The following JAKMIP3 variants were observed in gnomAD, a reference collection of about 807,000 sequenced individuals.
JAKMIP3 encodes Janus kinase and microtubule interacting protein 3.
JAKMIP3 carries 58 observed loss-of-function variants against 118.5 expected under a neutral mutation model. The ratio of observed to expected loss-of-function variants is 0.49; its 90% CI spans 0.40 to 0.61. The LOEUF (loss-of-function observed/expected upper bound fraction) is 0.61. Ranked by LOEUF, JAKMIP3 falls within the 20% of genes least tolerant of loss-of-function variation. JAKMIP3 has a pLI of 0.00. For missense variants in JAKMIP3, 950 were observed against 1,109.0 expected (o/e 0.86, Z 2.04); for synonymous variants, 486 against 451.2 (o/e 1.08, Z -0.98).
intron 2 of JAKMIP3, among the ~76,000 whole-genome samples, chr10:132,111,421 T>G (rs1280818690): frequency 6.6e-6 from 1 of 151,636 alleles, no homozygotes; most frequent in African/African-American, 2.4e-5. Flanking sequence ...CAGGTAGACA[T>G]GGGGTGAATG....
rs2061706069 is a variant in JAKMIP3, at chr10:132,184,595, G to A, written c.*3342G>A. 1 of 152,186 alleles carries A rather than the reference G, an allele frequency of 6.6e-6. No individual in the cohort carries two copies. The highest frequency in any genetic ancestry group is 2.4e-5 in the African/African-American group (1 of 41,440). 9.4% of individuals were successfully genotyped at this position (152,186 alleles called of 1,614,324 possible). On this transcript the variant is annotated 3_prime_UTR_variant, in exon 24 of 24. Coordinates refer to ENST00000684848, the MANE Select transcript of JAKMIP3 (RefSeq NM_001323087.2). ...TACGGCGGCATGCCAGGTAGTGTGTGTATTCTCCCAGGCACTCCCTTCATA... is the reference window on the plus strand; with the variant it reads ...TACGGCGGCATGCCAGGTAGTGTGTATATTCTCCCAGGCACTCCCTTCATA...
chr10:132,102,353 C>T (rs2045098533), intron 1 of JAKMIP3, among the ~76,000 whole-genome samples: 1 of 152,120 alleles, frequency 6.6e-6, no homozygotes, highest in Admixed American at 6.5e-5. Flanking sequence ...GCAGCCTCAG[C>T]CCCGTCCATG....
Position 132,103,974 on chromosome 10 carries a change from C to T in JAKMIP3, c.-137-698C>T, listed in dbSNP as rs1002742480. On this transcript the variant is annotated intron_variant, in intron 1 of 23. Transcript: ENST00000684848. ...TCCTGAATATATACGTGAAATCATG[C>T]GGCATTTGTCCTTCTGTGACCGGCT... Among the ~76,000 whole-genome samples, 14 of 152,322 alleles carry T rather than the reference C, an allele frequency of 9.2e-5. No homozygotes were observed. In the Middle Eastern group the frequency reaches 0.01, roughly 111 times the overall value.
Position 132,127,007 on chromosome 10 carries a change from G to A in JAKMIP3, c.634-6305G>A, listed in dbSNP as rs1257423306. Among the ~76,000 whole-genome samples, 5 of 152,080 alleles carry A rather than the reference G, an allele frequency of 3.3e-5. No homozygotes were observed. The East Asian group carries it at 5.8e-4, about 18-fold the overall frequency. ...TATTCTCTCAATGAGTTTGTTCAAC[G>A]TAAGTATATTTCTTCCTTAAGTGTT... On this transcript the variant is annotated intron_variant, in intron 3 of 23. Coordinates refer to ENST00000684848, the MANE Select transcript of JAKMIP3 (RefSeq NM_001323087.2).
chr10:132,148,440 G>A (rs75286990), intron 14 of JAKMIP3, among the ~76,000 whole-genome samples: 1,824 of 151,954 alleles, frequency 0.012, 16 homozygotes, highest in South Asian at 0.017. Context: ...GAGCTGGCAC[G>A]TCCGTCCTCC....
chr10:132,101,810 A>C (rs1369227886), intron 1 of JAKMIP3, among the ~76,000 whole-genome samples: 1 of 152,018 alleles, frequency 6.6e-6, no homozygotes, highest in Non-Finnish European at 1.5e-5. Context: ...CCTTGTGTGG[A>C]GGTGGGAAGT....
At chr10:132,172,353 G>C (rs1269610472) in intron 23 of JAKMIP3, among the ~76,000 whole-genome samples, 1 of 152,068 alleles carries the variant, frequency 6.6e-6, no homozygotes, top group Non-Finnish European at 1.5e-5. Flanking sequence ...GTGTCTGCCA[G>C]GGTCTCCACT....
rs1480337743 is a variant in JAKMIP3, at chr10:132,137,280, G to A, written c.1275G>A (p.Lys425=). 8 of 1,613,854 alleles carry A rather than the reference G, an allele frequency of 5.0e-6. No individual in the cohort carries two copies. Among genetic ancestry groups the A allele is most frequent in the African/African-American group, 1.3e-5 (1 of 75,028 alleles). The change falls in exon 8 of 24, where the codon AAG becomes AAA. Residue 425 remains lysine (K), a synonymous_variant. Coordinates refer to ENST00000684848, the MANE Select transcript of JAKMIP3 (RefSeq NM_001323087.2). The part of the protein sequence containing the change: ...SKTLETAGYV[K]SVLERDKLLR... ...CCCTTGAGACCGCCGGCTACGTGAA[G>A]AGCGTGTTAGTAAGTATGGTCAGCG... is the stretch of plus-strand genomic sequence containing the variant.
intron 2 of JAKMIP3, among the ~76,000 whole-genome samples, chr10:132,106,957 C>T (rs2046001968): frequency 6.6e-6 from 1 of 152,122 alleles, no homozygotes; most frequent in Non-Finnish European, 1.5e-5. Context: ...GATCTCAGCT[C>T]ACTACAGCCT....
chr10:132,126,066 C>T lies in JAKMIP3; in HGVS notation c.634-7246C>T, dbSNP rs114524142. Among the ~76,000 whole-genome samples, 269 of 152,242 alleles carry T rather than the reference C, an allele frequency of 1.8e-3. 1 individual carries two copies. The highest frequency in any genetic ancestry group is 6.3e-3 in the African/African-American group (260 of 41,518). On this transcript the variant is annotated intron_variant, in intron 3 of 23. Transcript: ENST00000684848. The stretch of plus-strand genomic sequence containing the variant: ...AGGAGTGAGCCACCATACCTCATCC[C>T]GAAGACAGTTTAAGTCTTCCTTTCC...
chr10:132,157,837 G>T (rs930343481), intron 19 of JAKMIP3, among the ~76,000 whole-genome samples: 3 of 152,054 alleles, frequency 2.0e-5, no homozygotes, highest in African/African-American at 7.2e-5. Context: ...ATTTCACCCA[G>T]CTTGTTGTTG....
rs377087802 is a variant in JAKMIP3, at chr10:132,138,198, C to A, written c.1344+20C>A. The A allele has an allele frequency of 5.3e-4, 844 of 1,600,616 alleles. 18 individuals carry two copies. The South Asian group carries it at 8.9e-3, about 17-fold the overall frequency. ...CCCAAGGTAAGGAACAGCACACCGG[C>A]ACGTGCGGAGAGTACGCCGGGTGTG... On this transcript the variant is annotated intron_variant, in intron 9 of 23. Transcript: ENST00000684848.
chr10:132,152,926 T>C, intron 16 of JAKMIP3, 32 bp from the exon 17 acceptor site: 1 of 1,567,990 alleles, frequency 6.4e-7, no homozygotes, highest in South Asian at 1.2e-5. Flanking sequence ...GCACTGCTTC[T>C]GACCGCACCT....
At chr10:132,135,002 T>C (rs1564939612) in intron 4 of JAKMIP3, 39 bp from the exon 5 acceptor site, 1 of 1,604,196 alleles carries the variant, frequency 6.2e-7, no homozygotes, top group South Asian at 1.1e-5. Context: ...CCCAGGCTTG[T>C]GGGTAGGAAC....
At position 132,090,026 on chromosome 10, in the gene JAKMIP3, T is replaced by C. The variant is rs561930670; in HGVS notation, c.-137-14646T>C. 2.6e-5 allele frequency among the ~76,000 whole-genome samples: 4 copies of C among 152,372 alleles called. No homozygotes were observed. In the South Asian group the frequency reaches 8.3e-4, roughly 32 times the overall value. ...TGGATTACGTTTATTGATTTGTGTG[T>C]GTTGAACCAGCCTTGCATCCCAAGG... On this transcript the variant is annotated intron_variant, in intron 1 of 23. Coordinates refer to ENST00000684848, the MANE Select transcript of JAKMIP3 (RefSeq NM_001323087.2).
intron 1 of JAKMIP3, among the ~76,000 whole-genome samples, chr10:132,052,292 C>CTGTT (rs1358504470): frequency 5.3e-5 from 8 of 152,186 alleles, no homozygotes; most frequent in Admixed American, 1.3e-4. Flanking sequence ...AAGAAGTCAG[C>CTGTT]TGTTAGTCTA....
intron 11 of JAKMIP3, chr10:132,144,107 T>G (rs2054119700): frequency 6.8e-6 from 1 of 146,422 alleles, no homozygotes; most frequent in Non-Finnish European, 1.5e-5. Flanking sequence ...ACCTCTCCCT[T>G]GGAAGCTATC....
chr10:132,038,914 G>A (rs1026702169), intron 1 of JAKMIP3, among the ~76,000 whole-genome samples: 1 of 152,162 alleles, frequency 6.6e-6, no homozygotes, highest in Non-Finnish European at 1.5e-5. Context: ...GAGCTGGGCT[G>A]CAGGGGCTCA....
At chr10:132,134,496 T>C (rs1239888405) in intron 4 of JAKMIP3, among the ~76,000 whole-genome samples, 1 of 152,066 alleles carries the variant, frequency 6.6e-6, no homozygotes, top group Non-Finnish European at 1.5e-5. Flanking sequence ...GTCCCAGGGG[T>C]CCCAAAAGCG....
Sources: allele counts gnomAD v4.1 joint callset (sites outside exome capture counted in the v4.1 genomes callset), GRCh38; gene constraint gnomAD v4.1.1; transcripts MANE v1.5; gene names NCBI Gene and HGNC (gene_info 2026-07-23, HGNC 2026-07-21).